The following PIAS1 variants were observed in gnomAD, a reference collection of about 807,000 sequenced individuals.
PIAS1 encodes the protein E3 SUMO-protein ligase PIAS1.
PIAS1 carries 6 observed loss-of-function variants against 71.3 expected under a neutral mutation model. The observed-to-expected ratio is 0.08, with a 90% CI of 0.05 to 0.17. The LOEUF (loss-of-function observed/expected upper bound fraction) is 0.17, where lower values mean the gene tolerates loss of function less well. Ranked by LOEUF, PIAS1 falls within the 10% of genes least tolerant of loss-of-function variation. PIAS1 has a pLI of 1.00. For synonymous variants in PIAS1, 303 were observed against 292.9 expected, an observed-to-expected ratio of 1.03 and a Z score of -0.35; for missense variants, 555 against 793.6, an observed-to-expected ratio of 0.70 and a Z score of 3.61.
chr15:68,078,719 A>G (rs1033490327), intron 1 of PIAS1, among the ~76,000 whole-genome samples: 17 of 152,212 alleles, frequency 1.1e-4, no homozygotes, highest in Non-Finnish European at 2.1e-4. Context: ...TTATCTATAC[A>G]GTGAGAATAA....
chr15:68,073,172 C>T (rs533408015), intron 1 of PIAS1, among the ~76,000 whole-genome samples: 23 of 152,188 alleles, frequency 1.5e-4, no homozygotes, highest in East Asian at 7.7e-4. Context: ...CCTGCCACCA[C>T]GCCCGGCTCA....
intron 7 of PIAS1, among the ~76,000 whole-genome samples, chr15:68,160,391 T>A (rs1165066607): frequency 2.0e-5 from 3 of 152,172 alleles, no homozygotes; most frequent in Non-Finnish European, 2.9e-5. Context: ...TTCATTACCT[T>A]GGCACCTTTA....
intron 2 of PIAS1, among the ~76,000 whole-genome samples, chr15:68,101,767 A>G (rs144642344): frequency 6.6e-6 from 1 of 151,498 alleles, no homozygotes; most frequent in Non-Finnish European, 1.5e-5. Context: ...CACCCACCCC[A>G]CTTTTTTGAC....
At chr15:68,069,448 A>G (rs969772527) in intron 1 of PIAS1, among the ~76,000 whole-genome samples, 2 of 152,140 alleles carry the variant, frequency 1.3e-5, no homozygotes, top group Non-Finnish European at 2.9e-5. Flanking sequence ...TATATGCCAA[A>G]TCAGCTGTGT....
At chr15:68,146,936 A>G (rs1193888512) in intron 6 of PIAS1, among the ~76,000 whole-genome samples, 1 of 152,116 alleles carries the variant, frequency 6.6e-6, no homozygotes, top group Admixed American at 6.5e-5. Flanking sequence ...GTATCATCAC[A>G]TGTTCTTCTG....
chr15:68,098,445 G>A (rs1001721583), intron 2 of PIAS1, among the ~76,000 whole-genome samples: 3 of 152,164 alleles, frequency 2.0e-5, no homozygotes, highest in African/African-American at 7.2e-5. Context: ...TGCTGTCTAA[G>A]AGGTGACAGA....
intron 7 of PIAS1, among the ~76,000 whole-genome samples, chr15:68,157,871 A>C (rs1040573914): frequency 6.6e-6 from 1 of 152,210 alleles, no homozygotes; most frequent in African/African-American, 2.4e-5. Context: ...CAAGTATTTA[A>C]AACTGAACTC....
intron 5 of PIAS1, among the ~76,000 whole-genome samples, chr15:68,146,222 G>GCT (rs1333402601): frequency 3.3e-5 from 5 of 152,108 alleles, no homozygotes; most frequent in African/African-American, 1.2e-4. Flanking sequence ...TTTGAAGAAT[G>GCT]CTATGTCTTA....
chr15:68,162,830 G>A (rs2092933576), intron 7 of PIAS1, among the ~76,000 whole-genome samples: 1 of 152,136 alleles, frequency 6.6e-6, no homozygotes, highest in Admixed American at 6.5e-5. Context: ...CCTACCTCAG[G>A]CTCCCAAGTA....
chr15:68,175,731 G>A lies in PIAS1; in HGVS notation c.1264G>A (p.Val422Ile), dbSNP rs768065521. The A allele has an allele frequency of 1.9e-6, 3 of 1,606,846 alleles. No individual in the cohort carries two copies. The highest frequency in any genetic ancestry group is 3.4e-5 in the Admixed American group (2 of 59,372). Residue 422 changes from valine (V) to isoleucine (I), a missense_variant, in exon 10 of 14, where the codon GTA becomes ATA. Val to Ile is a conservative substitution (Grantham distance 29, BLOSUM62 3). Coordinates refer to ENST00000249636, the MANE Select transcript of PIAS1 (RefSeq NM_016166.3). ...TWAPMRSKKEVQEVSASYNGV... is the reference protein window; with the variant it reads ...TWAPMRSKKEIQEVSASYNGV... The stretch of plus-strand genomic sequence containing the variant: ...GGCACCGATGAGATCAAAAAAGGAA[G>A]TACAGGAAGTTTCTGCCTCTTACAA...
rs2093112627 is a variant in PIAS1 at position 68,190,170 on chromosome 15, T to C, written c.*2335T>C. ...GTTAATTTCCCTCAGTGTCCCACATTATACCAACCTAAGAGAAGAACAGGT... is the reference window on the plus strand; with the variant it reads ...GTTAATTTCCCTCAGTGTCCCACATCATACCAACCTAAGAGAAGAACAGGT... On this transcript the variant is annotated 3_prime_UTR_variant, in exon 14 of 14. Coordinates refer to ENST00000249636, the MANE Select transcript of PIAS1 (RefSeq NM_016166.3). This position sits in a 1 kb window ranked among gnomAD's most constrained non-coding sequence, Gnocchi z 4.7. 1 of 152,226 alleles carries C rather than the reference T, an allele frequency of 6.6e-6. No individual in the cohort carries two copies. Among genetic ancestry groups the C allele is most frequent in the Admixed American group, 6.5e-5 (1 of 15,278 alleles). The allele number at this position is 152,226 out of a possible 1,614,324, so 9.4% of individuals were successfully genotyped here.
At chr15:68,150,941 A>G (rs1452671787) in intron 6 of PIAS1, among the ~76,000 whole-genome samples, 2 of 152,150 alleles carry the variant, frequency 1.3e-5, no homozygotes, top group African/African-American at 4.8e-5. Flanking sequence ...CTCAACTTGT[A>G]CTAGTGTAAG....
intron 1 of PIAS1, among the ~76,000 whole-genome samples, chr15:68,077,529 C>T (rs1294422626): frequency 2.0e-5 from 3 of 152,170 alleles, no homozygotes; most frequent in South Asian, 2.1e-4. Flanking sequence ...TAGAGCTTTT[C>T]GCTAATGTGG....
chr15:68,121,898 C>T (rs189906665), intron 2 of PIAS1, among the ~76,000 whole-genome samples: 207 of 152,190 alleles, frequency 1.4e-3, no homozygotes, highest in African/African-American at 4.4e-3. Flanking sequence ...GAGGCCAAGG[C>T]GGGCAGATTG....
At chr15:68,131,597 T>A (rs1000714240) in intron 2 of PIAS1, among the ~76,000 whole-genome samples, 1 of 152,214 alleles carries the variant, frequency 6.6e-6, no homozygotes, top group African/African-American at 2.4e-5. Flanking sequence ...CATGCAGTAT[T>A]TGTCTTTCTG....
At chr15:68,134,978 C>T (rs2092715011) in intron 2 of PIAS1, among the ~76,000 whole-genome samples, 1 of 49,608 alleles carries the variant, frequency 2.0e-5, no homozygotes, top group African/African-American at 4.2e-5. Context: ...CTAACCCCCC[C>T]CACCTCCCTC....
chr15:68,113,328 C>T (rs77358381), intron 2 of PIAS1, among the ~76,000 whole-genome samples: 4,427 of 152,160 alleles, frequency 0.029, 143 homozygotes, highest in African/African-American at 0.081. Flanking sequence ...GGAATGCTTG[C>T]ATTAACAACA....
chr15:68,151,684 A>ACG (rs2092846048), intron 6 of PIAS1, among the ~76,000 whole-genome samples: 1 of 32,100 alleles, frequency 3.1e-5, no homozygotes, highest in Non-Finnish European at 5.4e-5. Flanking sequence ...AAAAAACAAA[A>ACG]CACACACACA....
chr15:68,076,481 C>T (rs139713039), intron 1 of PIAS1, among the ~76,000 whole-genome samples: 160 of 152,176 alleles, frequency 1.1e-3, no homozygotes, highest in African/African-American at 3.5e-3. Context: ...GCCTGGGCGA[C>T]AGAGTGAGAC....
Sources: gnomAD v4.1 joint callset for allele counts (sites outside exome capture counted in the v4.1 genomes callset) on GRCh38, gnomAD v4.1.1 for gene constraint, Gnocchi (gnomAD v3.1) non-coding constraint, MANE v1.5 for transcripts, NCBI Gene and HGNC (gene_info 2026-07-23, HGNC 2026-07-21) for gene names.